DDC: variants seen among roughly 807,000 people sequenced by gnomAD.
The protein encoded by DDC is dopa decarboxylase.
Under a neutral mutation model 60.0 loss-of-function variants are expected in DDC, and 43 were observed. That is an observed-to-expected ratio of 0.72 (90% CI 0.56 to 0.92). DDC has a LOEUF of 0.92. Ranked by LOEUF, DDC falls within the 40% of genes least tolerant of loss-of-function variation. The pLI is 0.00. For synonymous variants in DDC, 232 were observed against 234.6 expected (o/e 0.99, Z 0.10); for missense variants, 573 against 620.2 (o/e 0.92, Z 0.81).
chr7:50,521,983 A>AG (rs1361207099), intron 6 of DDC, among the ~76,000 whole-genome samples: 1 of 151,880 alleles, frequency 6.6e-6, no homozygotes, highest in Non-Finnish European at 1.5e-5. Flanking sequence ...GAAGGAAAGA[A>AG]AAAAAGTATC....
chr7:50,529,445 A>AC, intron 4 of DDC, 103 bp from the exon 5 acceptor site: 1 of 1,445,666 alleles, frequency 6.9e-7, no homozygotes, highest in Non-Finnish European at 9.6e-7. Flanking sequence ...TTTTCTTAAA[A>AC]TATGAGTCTG....
Position 50,564,655 on chromosome 7 carries a change from C to T in DDC, c.-29+630G>A, listed in dbSNP as rs112060934. 1.8e-3 allele frequency among the ~76,000 whole-genome samples: 278 copies of T among 152,286 alleles called. 3 individuals carry two copies. The highest frequency in any genetic ancestry group is 6.3e-3 in the African/African-American group (263 of 41,566). On this transcript the variant is annotated intron_variant, in intron 1 of 14. Transcript: ENST00000444124. ...GAAGTCGATAACCGAACAATTCTCC[C>T]AATAGAAATTCCTATCCGCATATGT...
At chr7:50,547,095 T>C (rs2044831804) in intron 1 of DDC, among the ~76,000 whole-genome samples, 1 of 152,254 alleles carries the variant, frequency 6.6e-6, no homozygotes, top group African/African-American at 2.4e-5. Context: ...TTCAAATTAA[T>C]ATGACTCAAA....
In DDC at chr7:50,540,582, T is replaced by C. The variant is rs149179957; in HGVS notation, c.202-554A>G. ...TGGTCTTCCCGCTGCCCCTGGCTCT[T>C]CTAGAGGAGCTGAGGCCTTCCCTCC... is the stretch of plus-strand genomic sequence containing the variant. On this transcript the variant is annotated intron_variant, in intron 2 of 14. Transcript: ENST00000444124. 7.8e-3 allele frequency among the ~76,000 whole-genome samples: 1,187 copies of C among 151,960 alleles called. 7 individuals carry two copies. The highest frequency in any genetic ancestry group is 0.013 in the Non-Finnish European group (895 of 68,008).
At chr7:50,496,865 C>T (rs1430472095) in intron 8 of DDC, among the ~76,000 whole-genome samples, 2 of 152,090 alleles carry the variant, frequency 1.3e-5, no homozygotes, top group African/African-American at 4.8e-5. Context: ...ACCTGGGGGG[C>T]GTCCTGGGAG....
At chr7:50,460,343 C>T (rs1165724007) in intron 14 of DDC, among the ~76,000 whole-genome samples, 2 of 149,338 alleles carry the variant, frequency 1.3e-5, no homozygotes, top group Non-Finnish European at 3.0e-5. Flanking sequence ...GCCAGCCGCC[C>T]CGTCCAGGAA....
intron 1 of DDC, among the ~76,000 whole-genome samples, chr7:50,549,646 G>C (rs1291014875): frequency 4.9e-5 from 7 of 142,650 alleles, no homozygotes; most frequent in African/African-American, 1.8e-4. Flanking sequence ...GACAGAGCAA[G>C]ACTCTGTCTC....
At chr7:50,471,575 G>A (rs563671983) in intron 11 of DDC, among the ~76,000 whole-genome samples, 2 of 152,076 alleles carry the variant, frequency 1.3e-5, no homozygotes, top group Admixed American at 6.5e-5. Context: ...GGCCCTGCCC[G>A]GTGTGTTGAC....
intron 1 of DDC, among the ~76,000 whole-genome samples, chr7:50,549,858 A>G (rs2044930444): frequency 6.6e-6 from 1 of 152,226 alleles, no homozygotes; most frequent in African/African-American, 2.4e-5. Flanking sequence ...AATTGCTGCA[A>G]TCTCATGATA....
intron 6 of DDC, among the ~76,000 whole-genome samples, chr7:50,504,313 G>A (rs1446454374): frequency 6.6e-6 from 1 of 152,188 alleles, no homozygotes; most frequent in Non-Finnish European, 1.5e-5. Flanking sequence ...AGTTGCAAAA[G>A]ATTTTCCAGG....
intron 4 of DDC, among the ~76,000 whole-genome samples, chr7:50,533,297 CT>C (rs34002033): frequency 0.013 from 1,762 of 135,998 alleles, 13 homozygotes; most frequent in African/African-American, 0.032. Flanking sequence ...GGAAAGGGGA[CT>C]TTTTTTTTTT....
intron 9 of DDC, among the ~76,000 whole-genome samples, chr7:50,489,962 A>G (rs1052427663): frequency 6.6e-6 from 1 of 152,232 alleles, no homozygotes; most frequent in African/African-American, 2.4e-5. Flanking sequence ...TTGGCCTCAT[A>G]CTGTCTTTAT....
intron 4 of DDC, among the ~76,000 whole-genome samples, chr7:50,529,676 A>G (rs2044142562): frequency 6.6e-6 from 1 of 152,176 alleles, no homozygotes; most frequent in South Asian, 2.1e-4. Flanking sequence ...TGTCTCTATC[A>G]GAGGAGAACG....
rs1200868068 is a variant in DDC at position 50,521,550 on chromosome 7, A to G, written c.714+6587T>C. 2.6e-5 allele frequency among the ~76,000 whole-genome samples: 4 copies of G among 152,210 alleles called. No homozygotes were observed. The East Asian group carries it at 7.7e-4, about 29-fold the overall frequency. On this transcript the variant is annotated intron_variant, in intron 6 of 14. Coordinates refer to ENST00000444124, the MANE Select transcript of DDC (RefSeq NM_001082971.2). The stretch of plus-strand genomic sequence containing the variant: ...GCAAATTGAATCCAACAATGTAAAA[A>G]AAATTATATATCAGAACCAAGTGAG...
intron 6 of DDC, among the ~76,000 whole-genome samples, chr7:50,517,756 G>A (rs961341451): frequency 6.8e-6 from 1 of 146,740 alleles, no homozygotes; most frequent in Non-Finnish European, 1.5e-5. Flanking sequence ...ATGTACACAA[G>A]TCAGTAGCTC....
At position 50,491,025 on chromosome 7, in the gene DDC, T is replaced by G. The variant is rs577674284; in HGVS notation, c.944+4325A>C. Among the ~76,000 whole-genome samples the G allele has an allele frequency of 2.7e-3, 409 of 152,348 alleles. 2 individuals are homozygous for G. The highest frequency in any genetic ancestry group is 3.5e-3 in the Non-Finnish European group (238 of 68,036). On this transcript the variant is annotated intron_variant, in intron 9 of 14. Coordinates refer to ENST00000444124, the MANE Select transcript of DDC (RefSeq NM_001082971.2). ...TCTGTTTTTATTATTTTCTACAATT[T>G]GGGCTGAATTCTAAAATTTTTCCTG... is the stretch of plus-strand genomic sequence containing the variant.
chr7:50,479,484 T>C (rs11575462), intron 10 of DDC, among the ~76,000 whole-genome samples: 83,486 of 151,736 alleles, frequency 0.55, 23,127 homozygotes, highest in Admixed American at 0.62. Flanking sequence ...TATCTGCAGG[T>C]GGTATGCATG....
intron 6 of DDC, among the ~76,000 whole-genome samples, chr7:50,509,633 G>A (rs1261681107): frequency 1.3e-5 from 2 of 152,010 alleles, no homozygotes; most frequent in East Asian, 1.9e-4. Context: ...TAAGAAAATC[G>A]TAAATTACTT....
Position 50,533,339 on chromosome 7 carries a change from C to T in DDC, c.436-3997G>A, listed in dbSNP as rs1309622873. Reference sequence around the variant, plus strand: ...GAGACAGGGTCTCACTCTGTCACCCCGACTGGAGTGCAGTGGCATGATCTC... The same window carrying T: ...GAGACAGGGTCTCACTCTGTCACCCTGACTGGAGTGCAGTGGCATGATCTC... On this transcript the variant is annotated intron_variant, in intron 4 of 14. Transcript: ENST00000444124. 9.2e-5 allele frequency among the ~76,000 whole-genome samples: 14 copies of T among 151,398 alleles called. No homozygotes were observed. The South Asian group carries it at 1.7e-3, about 18-fold the overall frequency.
Sources: allele counts gnomAD v4.1 joint callset (sites outside exome capture counted in the v4.1 genomes callset), GRCh38; gene constraint gnomAD v4.1.1; transcripts MANE v1.5; gene names NCBI Gene and HGNC (gene_info 2026-07-23, HGNC 2026-07-21).